Variants in DAB2IP observed in about 807,000 individuals in gnomAD.
The protein encoded by DAB2IP is disabled homolog 2-interacting protein.
Under a neutral mutation model 107.2 loss-of-function variants are expected in DAB2IP, and 28 were observed. That is an observed-to-expected ratio of 0.26 (90% confidence interval 0.19 to 0.36). DAB2IP has a LOEUF of 0.36. DAB2IP is among the 10% of genes least tolerant of loss of function. The pLI is 1.00. For missense variants in DAB2IP, 1,400 were observed against 1,644.7 expected, an observed-to-expected ratio of 0.85 and a Z score of 2.57; for synonymous variants, 755 against 706.4, an observed-to-expected ratio of 1.07 and a Z score of -1.09.
chr9:121,678,848 T>C, intron 2 of DAB2IP, 67 bp downstream of exon 2: 1 of 1,397,402 alleles, frequency 7.2e-7, no homozygotes, highest in Non-Finnish European at 9.5e-7. Context: ...GGGGTGCTGC[T>C]CTGTGACCCC....
At chr9:121,711,161 T>C (rs986073815) in intron 3 of DAB2IP, among the ~76,000 whole-genome samples, 2 of 152,218 alleles carry the variant, frequency 1.3e-5, no homozygotes, top group Non-Finnish European at 2.9e-5. Context: ...CTGCTGCTTA[T>C]TGTTCAGAGC....
In DAB2IP at chr9:121,777,385, A is replaced by G. The variant is rs548219941; in HGVS notation, c.3314+994A>G. Among the ~76,000 whole-genome samples the G allele has an allele frequency of 2.0e-5, 3 of 152,340 alleles. No homozygotes were observed. In the South Asian group the frequency reaches 6.2e-4, roughly 32 times the overall value. Reference sequence around the variant, plus strand: ...CTTGTAGTTTGGTTCATTATGAAATAGTTAACATGAGTGAAACCAGGGTGG... The same window carrying G: ...CTTGTAGTTTGGTTCATTATGAAATGGTTAACATGAGTGAAACCAGGGTGG... On this transcript the variant is annotated intron_variant, in intron 14 of 15. Transcript: ENST00000408936.
intron 1 of DAB2IP, among the ~76,000 whole-genome samples, chr9:121,624,915 G>T (rs960894013): frequency 1.3e-5 from 2 of 152,200 alleles, no homozygotes; most frequent in Non-Finnish European, 2.9e-5. Flanking sequence ...CATTTCTGTT[G>T]TGGGGATTTA....
Position 121,780,345 on chromosome 9 carries a change from A to G in DAB2IP, c.3315-1119A>G, listed in dbSNP as rs954744994. Among the ~76,000 whole-genome samples, 3 of 151,820 alleles carry G rather than the reference A, an allele frequency of 2.0e-5. No homozygotes were observed. The East Asian group carries it at 5.8e-4, about 29-fold the overall frequency. On this transcript the variant is annotated intron_variant, in intron 14 of 15. Transcript: ENST00000408936. ...CCTGCCCCGGAGGGTCCCCCCCGCC[A>G]CCACCGCTCCTCCCAGTTAGTGCTC...
chr9:121,660,624 G>A (rs1439173201), intron 1 of DAB2IP, among the ~76,000 whole-genome samples: 3 of 152,144 alleles, frequency 2.0e-5, no homozygotes, highest in African/African-American at 7.2e-5. Flanking sequence ...CTCCTGCCAC[G>A]ATCTCTCCCT....
chr9:121,708,818 T>C (rs1360839191), intron 3 of DAB2IP, among the ~76,000 whole-genome samples: 2 of 152,208 alleles, frequency 1.3e-5, no homozygotes, highest in East Asian at 3.9e-4. Context: ...GGCTCCCGCC[T>C]GAGAATGGAA....
chr9:121,697,274 C>A (rs1325045230), intron 2 of DAB2IP, among the ~76,000 whole-genome samples: 1 of 152,220 alleles, frequency 6.6e-6, no homozygotes, highest in Non-Finnish European at 1.5e-5. Context: ...AAACATGCTT[C>A]TTTGTTCTTC....
At chr9:121,705,020 GGA>G (rs1224434182) in intron 3 of DAB2IP, among the ~76,000 whole-genome samples, 2 of 152,226 alleles carry the variant, frequency 1.3e-5, no homozygotes, top group East Asian at 3.8e-4. Flanking sequence ...GAGAGGAAGG[GGA>G]GAGCCACAGA....
chr9:121,575,425 CAAA>C (rs1277977783), intron 1 of DAB2IP: 1 of 152,208 alleles, frequency 6.6e-6, no homozygotes, highest in East Asian at 1.9e-4. Context: ...GGTGCAGAGT[CAAA>C]GATCTTTAAG....
At chr9:121,726,528 G>C (rs1831245074) in intron 3 of DAB2IP, among the ~76,000 whole-genome samples, 1 of 152,240 alleles carries the variant, frequency 6.6e-6, no homozygotes, top group Non-Finnish European at 1.5e-5. Context: ...CACGGGGCTT[G>C]CAATTGGCAT....
intron 14 of DAB2IP, among the ~76,000 whole-genome samples, chr9:121,778,658 G>A (rs559918342): frequency 6.6e-6 from 1 of 152,260 alleles, no homozygotes; most frequent in East Asian, 1.9e-4. Flanking sequence ...CAAAGGAGCA[G>A]ATCAAAAGTA....
chr9:121,739,499 G>A (rs375172030), intron 3 of DAB2IP, among the ~76,000 whole-genome samples: 52 of 152,354 alleles, frequency 3.4e-4, no homozygotes, highest in African/African-American at 1.2e-3. Flanking sequence ...GGGGTAAGGG[G>A]AAGCCCAGTG....
At chr9:121,683,353 T>C (rs907841138) in intron 2 of DAB2IP, among the ~76,000 whole-genome samples, 1 of 152,072 alleles carries the variant, frequency 6.6e-6, no homozygotes, top group Non-Finnish European at 1.5e-5. Context: ...ACTTCCCTGT[T>C]GCGGGCTGGG....
At chr9:121,655,913 A>G (rs1832950272) in intron 1 of DAB2IP, among the ~76,000 whole-genome samples, 1 of 151,742 alleles carries the variant, frequency 6.6e-6, no homozygotes, top group Non-Finnish European at 1.5e-5. Context: ...GCGTGGTGGG[A>G]GAGGATGGTT....
rs1056539613 is a variant in DAB2IP, at chr9:121,585,235, G to T, written c.40+18007G>T. On this transcript the variant is annotated intron_variant, in intron 1 of 16. Coordinates refer to the DAB2IP transcript ENST00000259371. Reference sequence around the variant, plus strand: ...TCCCAGAATGGCGAGGGGTCAATGAGAGCACAGAGTCGAGGCTGAACAATT... The same window carrying T: ...TCCCAGAATGGCGAGGGGTCAATGATAGCACAGAGTCGAGGCTGAACAATT... Among the ~76,000 whole-genome samples the T allele has an allele frequency of 3.3e-5, 5 of 152,282 alleles. No individual in the cohort carries two copies. In the East Asian group the frequency reaches 9.7e-4, roughly 29 times the overall value.
Position 121,699,395 on chromosome 9 carries a change from A to T in DAB2IP, c.299A>T (p.His100Leu). Reference sequence around the variant, plus strand: ...AGCCAGCCCAAGCTGGACCGCAACCACAGCTTCCGCCACATCCTGCCGGGG... The same window carrying T: ...AGCCAGCCCAAGCTGGACCGCAACCTCAGCTTCCGCCACATCCTGCCGGGG... Residue 100 changes from histidine to leucine, a missense_variant, in exon 3 of 16, where the codon CAC becomes CTC. By Grantham distance (99) the His-to-Leu change is moderately conservative. Coordinates refer to ENST00000408936, the Ensembl canonical transcript of DAB2IP. The surrounding 1 kb of genome is among the most constrained non-coding windows in gnomAD (Gnocchi z 6.2). 6.8e-7 allele frequency: 1 copy of T among 1,467,400 alleles called. No homozygotes were observed. Among genetic ancestry groups the T allele is most frequent in the South Asian group, 1.3e-5 (1 of 78,626 alleles). The allele number at this position is 1,467,400 out of a possible 1,614,324, so 90.9% of individuals were successfully genotyped here.
chr9:121,618,078 C>T (rs1446678574), intron 1 of DAB2IP, among the ~76,000 whole-genome samples: 3 of 152,114 alleles, frequency 2.0e-5, no homozygotes, highest in South Asian at 4.2e-4. Flanking sequence ...AGACAGAAGG[C>T]CCCCCTCAAG....
chr9:121,736,863 C>T lies in DAB2IP; in HGVS notation c.363-20150C>T, dbSNP rs1296232610. On this transcript the variant is annotated intron_variant, in intron 3 of 15. Coordinates refer to ENST00000408936, the Ensembl canonical transcript of DAB2IP. This position sits in a 1 kb window ranked among gnomAD's most constrained non-coding sequence, Gnocchi z 4.6. The stretch of plus-strand genomic sequence containing the variant: ...CGTGCAGGTCCCTGTTCTCGTGGAC[C>T]GGACATTTTCATGATAGGTAAAAGA... 6.6e-6 allele frequency among the ~76,000 whole-genome samples: 1 copy of T among 152,156 alleles called. No homozygotes were observed. The highest frequency in any genetic ancestry group is 2.4e-5 in the African/African-American group (1 of 41,434).
chr9:121,709,144 A>T (rs1273013604), intron 3 of DAB2IP, among the ~76,000 whole-genome samples: 1 of 152,112 alleles, frequency 6.6e-6, no homozygotes, highest in African/African-American at 2.4e-5. Context: ...GAGATTCTCT[A>T]TTTCAGTAAA....
Sources: gnomAD v4.1 joint callset for allele counts (sites outside exome capture counted in the v4.1 genomes callset) on GRCh38, gnomAD v4.1.1 for gene constraint, Gnocchi (gnomAD v3.1) non-coding constraint, MANE v1.5 for transcripts, NCBI Gene and HGNC (gene_info 2026-07-23, HGNC 2026-07-21) for gene names.